The following DCLK2 variants were observed in gnomAD, a reference collection of about 807,000 sequenced individuals.
DCLK2 encodes the protein serine/threonine-protein kinase DCLK2.
DCLK2 carries 31 observed loss-of-function variants against 78.4 expected under a neutral mutation model. That is an observed-to-expected ratio of 0.40 (90% CI 0.30 to 0.53). The LOEUF is 0.53. DCLK2 is among the 20% of genes least tolerant of loss of function. DCLK2 has a pLI of 0.61. For synonymous variants in DCLK2, 407 were observed against 374.9 expected (o/e 1.09, Z -0.99); for missense variants, 872 against 973.7 (o/e 0.90, Z 1.39).
chr4:150,179,958 A>G (rs1737384105), intron 2 of DCLK2, among the ~76,000 whole-genome samples: 1 of 152,218 alleles, frequency 6.6e-6, no homozygotes, highest in Non-Finnish European at 1.5e-5. Flanking sequence ...TCCTTAAAAA[A>G]AAATCCTAGA....
chr4:150,145,028 T>G (rs1388425993), intron 2 of DCLK2, among the ~76,000 whole-genome samples: 1 of 152,218 alleles, frequency 6.6e-6, no homozygotes, highest in Non-Finnish European at 1.5e-5. Flanking sequence ...CCTTTTGTAT[T>G]GTTGACAATT....
Position 150,256,312 on chromosome 4 carries a change from C to A in DCLK2, c.*65C>A, listed in dbSNP as rs1208856950. 49 of 1,443,874 alleles carry A rather than the reference C, an allele frequency of 3.4e-5. No individual in the cohort carries two copies. Among genetic ancestry groups the A allele is most frequent in the Non-Finnish European group, 4.4e-5 (49 of 1,102,572 alleles). The allele number at this position is 1,443,874 out of a possible 1,614,324, so 89.4% of individuals were successfully genotyped here. On this transcript the variant is annotated 3_prime_UTR_variant, in exon 16 of 16. Transcript: ENST00000296550. ...GAAGCCAGCCCTCTGCTCGGCCTCG[C>A]CGGCCTCCCTGCTGCAGGCCTCCCT...
chr4:150,202,659 C>T (rs1320313568), intron 4 of DCLK2, among the ~76,000 whole-genome samples: 5 of 152,024 alleles, frequency 3.3e-5, no homozygotes, highest in Non-Finnish European at 5.9e-5. Context: ...TAATAGTTGT[C>T]GCTCTCTCAT....
At chr4:150,197,750 C>T (rs756672780) in intron 3 of DCLK2, among the ~76,000 whole-genome samples, 4 of 150,384 alleles carry the variant, frequency 2.7e-5, no homozygotes, top group Non-Finnish European at 5.9e-5. Context: ...GCCCAGATCG[C>T]GCCATTGCAC....
intron 12 of DCLK2, among the ~76,000 whole-genome samples, chr4:150,240,897 G>A (rs896079727): frequency 2.6e-5 from 4 of 151,858 alleles, no homozygotes; most frequent in African/African-American, 9.7e-5. Flanking sequence ...GTGTTTGGTT[G>A]GTCCTCTGAG....
At chr4:150,181,409 C>T (rs1737508748) in intron 2 of DCLK2, among the ~76,000 whole-genome samples, 2 of 152,082 alleles carry the variant, frequency 1.3e-5, no homozygotes, top group South Asian at 4.1e-4. Flanking sequence ...GAAATGACCT[C>T]TTTTACAGGA....
At chr4:150,099,543 C>G (rs181875976) in intron 1 of DCLK2, among the ~76,000 whole-genome samples, 1 of 152,194 alleles carries the variant, frequency 6.6e-6, no homozygotes, top group Non-Finnish European at 1.5e-5. Flanking sequence ...TGGCTGTTGT[C>G]GTCAAGGTAT....
At chr4:150,225,141 T>G (rs1186932251) in intron 8 of DCLK2, among the ~76,000 whole-genome samples, 2 of 152,200 alleles carry the variant, frequency 1.3e-5, no homozygotes, top group Admixed American at 1.3e-4. Context: ...TGCCCAGTCT[T>G]TGCCTCAGAG....
intron 2 of DCLK2, among the ~76,000 whole-genome samples, chr4:150,192,373 G>A (rs1475551742): frequency 6.6e-6 from 1 of 151,318 alleles, no homozygotes; most frequent in Non-Finnish European, 1.5e-5. Context: ...CCAGCTACTT[G>A]GGAGGCTGAG....
chr4:150,254,045 T>G (rs774336617), intron 15 of DCLK2, among the ~76,000 whole-genome samples: 13 of 152,236 alleles, frequency 8.5e-5, no homozygotes, highest in Non-Finnish European at 1.8e-4. Flanking sequence ...TTTCTTGGAC[T>G]TGTCCTTAGC....
intron 2 of DCLK2, among the ~76,000 whole-genome samples, chr4:150,127,975 A>C (rs999855447): frequency 2.0e-5 from 3 of 152,228 alleles, no homozygotes; most frequent in Admixed American, 2.0e-4. Flanking sequence ...AGTGCAATGA[A>C]CTTGGCTCAG....
chr4:150,240,118 T>A (rs569700685), intron 11 of DCLK2, among the ~76,000 whole-genome samples: 1 of 152,274 alleles, frequency 6.6e-6, no homozygotes, highest in African/African-American at 2.4e-5. Flanking sequence ...GATTTTGACC[T>A]CAGGAAGCAG....
chr4:150,142,780 T>A (rs1357166240), intron 2 of DCLK2, among the ~76,000 whole-genome samples: 1 of 151,424 alleles, frequency 6.6e-6, no homozygotes, highest in Non-Finnish European at 1.5e-5. Context: ...AAGAAGCAGC[T>A]CCAGTAAGGA....
intron 2 of DCLK2, among the ~76,000 whole-genome samples, chr4:150,117,268 C>T (rs557752916): frequency 5.3e-5 from 8 of 152,282 alleles, no homozygotes; most frequent in African/African-American, 1.9e-4. Flanking sequence ...CTCCCACGCA[C>T]TTGGCAAGGC....
Position 150,079,463 on chromosome 4 carries a change from C to T in DCLK2, c.421+15C>T, listed in dbSNP as rs376778431. On this transcript the variant is annotated intron_variant, in intron 1 of 15. Coordinates refer to ENST00000296550, the MANE Select transcript of DCLK2 (RefSeq NM_001040260.4). The stretch of plus-strand genomic sequence containing the variant: ...GCTGCTGGAAGGTAGGAGGGGAGGG[C>T]GCCGCACGGCAGGTGCGGCGGAGCG... The T allele has an allele frequency of 5.5e-6, 8 of 1,463,614 alleles. No homozygotes were observed. Among genetic ancestry groups the T allele is most frequent in the Non-Finnish European group, 2.7e-6 (3 of 1,106,438 alleles). The allele number at this position is 1,463,614 out of a possible 1,614,324, so 90.7% of individuals were successfully genotyped here.
At chr4:150,178,817 T>A (rs1737277180) in intron 2 of DCLK2, among the ~76,000 whole-genome samples, 1 of 152,194 alleles carries the variant, frequency 6.6e-6, no homozygotes, top group East Asian at 1.9e-4. Flanking sequence ...TCAACCAGTT[T>A]ACTCTTATTT....
intron 1 of DCLK2, among the ~76,000 whole-genome samples, chr4:150,087,968 C>G (rs1729763670): frequency 6.6e-6 from 1 of 152,124 alleles, no homozygotes; most frequent in Non-Finnish European, 1.5e-5. Context: ...GTGAATGGGA[C>G]TAGCAGCCAG....
At chr4:150,090,943 T>A (rs925092541) in intron 1 of DCLK2, among the ~76,000 whole-genome samples, 2 of 152,140 alleles carry the variant, frequency 1.3e-5, no homozygotes, top group Admixed American at 6.5e-5. Flanking sequence ...AATATGTAAG[T>A]AATGGTTCAG....
chr4:150,154,246 G>C lies in DCLK2; in HGVS notation c.757-38892G>C, dbSNP rs373149182. On this transcript the variant is annotated intron_variant, in intron 2 of 15. Transcript: ENST00000296550. ...TTCTCTTCACTTGCCAGTGAACATTGACCAGAGTGTCCTTTAGTTACTGTT... is the reference window on the plus strand; with the variant it reads ...TTCTCTTCACTTGCCAGTGAACATTCACCAGAGTGTCCTTTAGTTACTGTT... Among the ~76,000 whole-genome samples the C allele has an allele frequency of 2.5e-3, 379 of 152,260 alleles. 12 individuals carry two copies. The South Asian group carries it at 0.076, about 31-fold the overall frequency.
Sources: allele counts gnomAD v4.1 joint callset (sites outside exome capture counted in the v4.1 genomes callset), GRCh38; gene constraint gnomAD v4.1.1; transcripts MANE v1.5; gene names NCBI Gene and HGNC (gene_info 2026-07-23, HGNC 2026-07-21).